The following TNNI3K variants were observed in gnomAD, a reference collection of about 807,000 sequenced individuals.
TNNI3K encodes TNNI3 interacting kinase, also known as serine/threonine-protein kinase TNNI3K.
In TNNI3K, 140 loss-of-function variants were observed where a neutral mutation model predicts 114.5. That is an observed-to-expected ratio of 1.22 (90% CI 1.07 to 1.41). The LOEUF (loss-of-function observed/expected upper bound fraction) is 1.41. Ranked by LOEUF, TNNI3K falls within the 40% of genes most tolerant of loss-of-function variation. TNNI3K has a pLI of 0.00. For synonymous variants in TNNI3K, 347 were observed against 347.5 expected (o/e 1.00, Z 0.02); for missense variants, 1,125 against 1,007.6 (o/e 1.12, Z -1.58).
Position 74,478,661 on chromosome 1 carries a change from G to A in TNNI3K, c.2122-10528G>A, listed in dbSNP as rs72675328. ...TGCTTATTAGAAAATGAAAGGTTAC[G>A]AGAAGTGCTGCAGTGAGTATACCTG... is the stretch of plus-strand genomic sequence containing the variant. On this transcript the variant is annotated intron_variant, in intron 21 of 24. Transcript: ENST00000326637. Among the ~76,000 whole-genome samples, 1,173 of 152,250 alleles carry A rather than the reference G, an allele frequency of 7.7e-3. 10 individuals carry two copies. Among genetic ancestry groups the A allele is most frequent in the Middle Eastern group, 0.014 (4 of 294 alleles).
chr1:74,539,628 TG>T (rs1165437849), intron 23 of TNNI3K, among the ~76,000 whole-genome samples: 1 of 152,100 alleles, frequency 6.6e-6, no homozygotes, highest in Non-Finnish European at 1.5e-5. Context: ...ACATCAGCTT[TG>T]GAATCTAAAA....
At chr1:74,329,610 C>T (rs1344176022) in intron 5 of TNNI3K, among the ~76,000 whole-genome samples, 2 of 151,972 alleles carry the variant, frequency 1.3e-5, no homozygotes, top group Non-Finnish European at 2.9e-5. Context: ...CTCATATTTG[C>T]TCAATAAATT....
chr1:74,470,788 G>A (rs1026772059), intron 21 of TNNI3K: 12 of 400,500 alleles, frequency 3.0e-5, no homozygotes, highest in African/African-American at 2.3e-4. Context: ...TTGGTCTAAA[G>A]TGTATTCCTT....
chr1:74,353,487 C>A, intron 10 of TNNI3K, 127 bp downstream of exon 10: 2 of 983,740 alleles, frequency 2.0e-6, no homozygotes, highest in South Asian at 1.7e-5. Flanking sequence ...TTATCAACTG[C>A]CAGCATTTAG....
Position 74,353,983 on chromosome 1 carries a change from T to TA in TNNI3K, c.1032dup (p.His345ThrfsTer18). 6.2e-7 allele frequency: 1 copy of TA among 1,612,896 alleles called. No individual in the cohort carries two copies. Among genetic ancestry groups the TA allele is most frequent in the Non-Finnish European group, 8.5e-7 (1 of 1,179,610 alleles). ...TTTCAATTCTTTTCTATTACAGGAT[T>TA]ACACTCTGCTTGCTACCACGGTCAC... is the stretch of plus-strand genomic sequence containing the variant. On this transcript the variant is annotated frameshift_variant, in exon 11 of 25. Transcript: ENST00000326637. LOFTEE classifies it high-confidence loss of function.
chr1:74,449,320 C>T (rs1198132325), intron 20 of TNNI3K, among the ~76,000 whole-genome samples: 4 of 150,856 alleles, frequency 2.7e-5, no homozygotes, highest in African/African-American at 4.9e-5. Flanking sequence ...TCCCCTTTAT[C>T]ATTTTTTATT....
rs45457801 is a variant in TNNI3K, at chr1:74,435,729, C to CA, written c.1773-350dup. On this transcript the variant is annotated intron_variant, in intron 17 of 24. Coordinates refer to ENST00000326637, the MANE Select transcript of TNNI3K (RefSeq NM_015978.3). ...TCTCTTGCTCTGACTCTAATACGCC[C>CA]ATGATGCTTTTCACTCTTTCCTTGT... Among the ~76,000 whole-genome samples the CA allele has an allele frequency of 7.5e-3, 1,142 of 152,110 alleles. 14 individuals are homozygous for CA. Among genetic ancestry groups the CA allele is most frequent in the African/African-American group, 0.025 (1,045 of 41,516 alleles).
At chr1:74,483,761 A>T (rs1038977457) in intron 21 of TNNI3K, among the ~76,000 whole-genome samples, 2 of 152,168 alleles carry the variant, frequency 1.3e-5, no homozygotes, top group Non-Finnish European at 2.9e-5. Flanking sequence ...CCTAAATCAC[A>T]TAGCGGGTAG....
chr1:74,472,331 T>C (rs951726455), intron 21 of TNNI3K: 7 of 594,642 alleles, frequency 1.2e-5, no homozygotes, highest in African/African-American at 1.1e-4. Flanking sequence ...CACTATTTCC[T>C]AATTTGTAAC....
At chr1:74,309,691 G>A (rs1312573517) in intron 5 of TNNI3K, among the ~76,000 whole-genome samples, 2 of 152,036 alleles carry the variant, frequency 1.3e-5, no homozygotes, top group Non-Finnish European at 2.9e-5. Context: ...CACCTAAACA[G>A]AATTGACAAC....
At chr1:74,465,901 G>A (rs1667656384) in intron 21 of TNNI3K, among the ~76,000 whole-genome samples, 1 of 152,198 alleles carries the variant, frequency 6.6e-6, no homozygotes, top group East Asian at 1.9e-4. Flanking sequence ...CCAGATAAGG[G>A]AATAAAAGCA....
rs1053164979 is a variant in TNNI3K at position 74,236,083 on chromosome 1, A to G, written c.41-19A>G. On this transcript the variant is annotated intron_variant, in intron 1 of 24. Coordinates refer to ENST00000326637, the MANE Select transcript of TNNI3K (RefSeq NM_015978.3). ...CAAAACACAACTATGAATCAATCTC[A>G]TTTGTTCTTCTTTACTAGATGAATG... 5 of 1,595,324 alleles carry G rather than the reference A, an allele frequency of 3.1e-6. No individual in the cohort carries two copies. In the African/African-American group the frequency reaches 5.4e-5, roughly 17 times the overall value.
intron 21 of TNNI3K, among the ~76,000 whole-genome samples, chr1:74,477,582 T>A (rs1668267336): frequency 6.6e-6 from 1 of 152,184 alleles, no homozygotes; most frequent in African/African-American, 2.4e-5. Flanking sequence ...AAGACAAGAA[T>A]CAGCCACTGA....
At chr1:74,510,233 G>A (rs1477694793) in intron 23 of TNNI3K, among the ~76,000 whole-genome samples, 1 of 152,174 alleles carries the variant, frequency 6.6e-6, no homozygotes, top group Non-Finnish European at 1.5e-5. Context: ...GAGGCCAGGT[G>A]CAGTGGCTCA....
chr1:74,470,038 G>A (rs772318368), intron 21 of TNNI3K: 20 of 400,524 alleles, frequency 5.0e-5, no homozygotes, highest in Admixed American at 4.4e-4. Context: ...GAAGGAAAGC[G>A]CTTCATGTGT....
rs1159733830 is a variant in TNNI3K, at chr1:74,322,209, A to G, written c.445-9241A>G. Among the ~76,000 whole-genome samples, 11 of 152,304 alleles carry G rather than the reference A, an allele frequency of 7.2e-5. No individual in the cohort carries two copies. In the East Asian group the frequency reaches 2.1e-3, roughly 29 times the overall value. ...TTGATTGAGAGATTGACCCCAATGG[A>G]AACAGTTTGTGGTGTTGAATAAGAG... On this transcript the variant is annotated intron_variant, in intron 5 of 24. Coordinates refer to ENST00000326637, the MANE Select transcript of TNNI3K (RefSeq NM_015978.3).
At chr1:74,267,386 C>T (rs996171230) in intron 4 of TNNI3K, among the ~76,000 whole-genome samples, 3 of 151,798 alleles carry the variant, frequency 2.0e-5, no homozygotes, top group African/African-American at 4.8e-5. Context: ...CCTTGAGACT[C>T]GATCAGGAAA....
At chr1:74,392,172 T>C (rs1186821138) in intron 17 of TNNI3K, among the ~76,000 whole-genome samples, 2 of 152,052 alleles carry the variant, frequency 1.3e-5, no homozygotes, top group East Asian at 1.9e-4. Context: ...AAGTCTGTCA[T>C]AAGTGGTAAC....
At chr1:74,404,927 CAT>C (rs1337825063) in intron 17 of TNNI3K, among the ~76,000 whole-genome samples, 5 of 152,312 alleles carry the variant, frequency 3.3e-5, no homozygotes, top group African/African-American at 1.2e-4. Flanking sequence ...TCATTCAACA[CAT>C]ATTACTTAAT....
Sources: allele counts gnomAD v4.1 joint callset (sites outside exome capture counted in the v4.1 genomes callset), GRCh38; gene constraint gnomAD v4.1.1; transcripts MANE v1.5; gene names NCBI Gene and HGNC (gene_info 2026-07-23, HGNC 2026-07-21).